The following NDRG3 variants were observed in gnomAD, a reference collection of about 807,000 sequenced individuals.
NDRG3 encodes protein NDRG3.
Under a neutral mutation model 57.2 loss-of-function variants are expected in NDRG3, and 23 were observed. That is an observed-to-expected ratio of 0.40 (90% CI 0.29 to 0.57). The LOEUF is 0.57. Among genes scored for constraint, NDRG3 ranks in the 20% least tolerant of loss-of-function variants. The probability of loss-of-function intolerance (pLI) is 0.42; values close to 1 mark genes in which losing one functional copy is unlikely to be tolerated. For missense variants in NDRG3, 384 were observed against 457.3 expected, an observed-to-expected ratio of 0.84 and a Z score of 1.46; for synonymous variants, 132 against 162.6, an observed-to-expected ratio of 0.81 and a Z score of 1.43.
At chr20:36,656,575 A>C (rs1978693678) in intron 13 of NDRG3, 43 bp from the exon 14 acceptor site, 1 of 1,611,134 alleles carries the variant, frequency 6.2e-7, no homozygotes, top group Non-Finnish European at 8.5e-7. Flanking sequence ...ACTTACCCTT[A>C]AGAGAATTGC....
chr20:36,658,726 T>C (rs1476214170), intron 13 of NDRG3, among the ~76,000 whole-genome samples: 1 of 152,076 alleles, frequency 6.6e-6, no homozygotes, highest in Non-Finnish European at 1.5e-5. Flanking sequence ...GATGAAACAA[T>C]GACAGGCAGA....
At chr20:36,711,068 C>T (rs1316062800) in intron 2 of NDRG3, among the ~76,000 whole-genome samples, 3 of 148,456 alleles carry the variant, frequency 2.0e-5, no homozygotes, top group Non-Finnish European at 3.0e-5. Flanking sequence ...ATCACGAGGT[C>T]AAGAGATCAA....
intron 3 of NDRG3, among the ~76,000 whole-genome samples, chr20:36,696,248 C>G (rs906971864): frequency 6.6e-6 from 1 of 151,272 alleles, no homozygotes; most frequent in Non-Finnish European, 1.5e-5. Flanking sequence ...AGGTGTGCAT[C>G]CCCACACCTG....
In NDRG3 at chr20:36,687,486, C is replaced by T. The variant is rs371900795; in HGVS notation, c.320+6G>A. 2.0e-5 allele frequency: 32 copies of T among 1,612,452 alleles called. No homozygotes were observed. Among genetic ancestry groups the T allele is most frequent in the Non-Finnish European group, 2.5e-5 (29 of 1,179,614 alleles). ...CGTCTCCCAGATGATCTTTTCGTGG[C>T]CTTACCCTGTTGGGAAAGAGGGTGC... On this transcript the variant is annotated splice_donor_region_variant and intron_variant, in intron 5 of 15. Coordinates refer to ENST00000349004, the MANE Select transcript of NDRG3 (RefSeq NM_032013.4).
At chr20:36,725,831 T>G (rs545286660) in intron 1 of NDRG3, among the ~76,000 whole-genome samples, 1 of 152,096 alleles carries the variant, frequency 6.6e-6, no homozygotes, top group Non-Finnish European at 1.5e-5. Context: ...TGGGAATTAT[T>G]CAAATATGAC....
chr20:36,743,865 C>T (rs1259369419), intron 1 of NDRG3, among the ~76,000 whole-genome samples: 2 of 150,510 alleles, frequency 1.3e-5, no homozygotes, highest in Non-Finnish European at 3.0e-5. Flanking sequence ...ACAAAAGCAG[C>T]TCAATCGTGA....
chr20:36,691,841 C>T (rs1353417031), intron 3 of NDRG3, among the ~76,000 whole-genome samples: 2 of 152,206 alleles, frequency 1.3e-5, no homozygotes, highest in Non-Finnish European at 2.9e-5. Flanking sequence ...GACCCTGGTT[C>T]ATTCATTAAA....
chr20:36,689,604 G>A (rs191463091), intron 3 of NDRG3, among the ~76,000 whole-genome samples: 18 of 152,220 alleles, frequency 1.2e-4, no homozygotes, highest in African/African-American at 3.9e-4. Flanking sequence ...CACGTTACAG[G>A]GGTGGATCTT....
At chr20:36,686,689 A>G (rs536142578) in intron 5 of NDRG3, among the ~76,000 whole-genome samples, 20 of 152,168 alleles carry the variant, frequency 1.3e-4, no homozygotes, top group Non-Finnish European at 2.8e-4. Flanking sequence ...GCCAAAGCCA[A>G]TCAATCACCC....
chr20:36,671,194 G>A (rs781001773), intron 9 of NDRG3, 147 bp downstream of exon 9: 17 of 650,822 alleles, frequency 2.6e-5, no homozygotes, highest in South Asian at 2.1e-4. Flanking sequence ...ATTCACCTTT[G>A]CAGGGCCACA....
At chr20:36,684,790 C>T (rs892104186) in intron 5 of NDRG3, among the ~76,000 whole-genome samples, 7 of 151,148 alleles carry the variant, frequency 4.6e-5, no homozygotes, top group Admixed American at 4.0e-4. Flanking sequence ...CGGAGGCTGC[C>T]GTGAGCGGAG....
At chr20:36,726,848 G>T (rs1162951123) in intron 1 of NDRG3, among the ~76,000 whole-genome samples, 1 of 151,914 alleles carries the variant, frequency 6.6e-6, no homozygotes, top group Non-Finnish European at 1.5e-5. Context: ...ACTCTGTCAG[G>T]AATTATAATC....
intron 1 of NDRG3, among the ~76,000 whole-genome samples, chr20:36,727,219 A>G (rs371868161): frequency 1.2e-4 from 18 of 150,750 alleles, no homozygotes; most frequent in African/African-American, 3.9e-4. Flanking sequence ...CCCAGCCTAG[A>G]TATCTTTATT....
chr20:36,701,836 C>G (rs1157322701), intron 3 of NDRG3, among the ~76,000 whole-genome samples: 1 of 148,404 alleles, frequency 6.7e-6, no homozygotes, highest in African/African-American at 2.5e-5. Context: ...GCGTGAGCCA[C>G]TGTGCCCAGC....
intron 3 of NDRG3, among the ~76,000 whole-genome samples, chr20:36,695,124 T>C (rs937806627): frequency 6.6e-6 from 1 of 152,236 alleles, no homozygotes; most frequent in Non-Finnish European, 1.5e-5. Flanking sequence ...TGAACATAAA[T>C]TGTGAAGATT....
chr20:36,691,002 T>G (rs1179157443), intron 3 of NDRG3, among the ~76,000 whole-genome samples: 1 of 152,272 alleles, frequency 6.6e-6, no homozygotes. Context: ...AGTTTTATAT[T>G]TCTCAAAAAT....
At chr20:36,685,820 G>A (rs905415844) in intron 5 of NDRG3, among the ~76,000 whole-genome samples, 1 of 152,108 alleles carries the variant, frequency 6.6e-6, no homozygotes, top group African/African-American at 2.4e-5. Flanking sequence ...ACCAGCCTGA[G>A]CAACAGGGCA....
rs1002316342 is a variant in NDRG3, at chr20:36,668,929, T to C, written c.588+2412A>G. On this transcript the variant is annotated intron_variant, in intron 9 of 15. Coordinates refer to ENST00000349004, the MANE Select transcript of NDRG3 (RefSeq NM_032013.4). ...TTAGCTTTCCCCTCAGAGGCTTATA[T>C]GAAGTAGTATTTCTTTTTGCTATGT... 3.3e-5 allele frequency among the ~76,000 whole-genome samples: 5 copies of C among 152,158 alleles called. No individual in the cohort carries two copies. The East Asian group carries it at 9.6e-4, about 29-fold the overall frequency.
intron 1 of NDRG3, among the ~76,000 whole-genome samples, chr20:36,739,137 A>T (rs1209029537): frequency 1.7e-5 from 2 of 117,054 alleles, no homozygotes; most frequent in Non-Finnish European, 3.3e-5. Flanking sequence ...CCCATCTCAA[A>T]AAAAAAAAAA....
Sources: gnomAD v4.1 joint callset for allele counts (sites outside exome capture counted in the v4.1 genomes callset) on GRCh38, gnomAD v4.1.1 for gene constraint, MANE v1.5 for transcripts, NCBI Gene and HGNC (gene_info 2026-07-23, HGNC 2026-07-21) for gene names.